The following RIMS2 variants were observed in gnomAD, a reference collection of about 807,000 sequenced individuals.
RIMS2 encodes the protein regulating synaptic membrane exocytosis 2, also known as regulating synaptic membrane exocytosis protein 2.
RIMS2 carries 59 observed loss-of-function variants against 174.4 expected under a neutral mutation model. The observed-to-expected ratio is 0.34, with a 90% CI of 0.27 to 0.42. The LOEUF is 0.42. RIMS2 is among the 10% of genes least tolerant of loss of function. The probability of loss-of-function intolerance (pLI) is 1.00; values close to 1 mark genes in which losing one functional copy is unlikely to be tolerated. For synonymous variants in RIMS2, 606 were observed against 572.5 expected (o/e 1.06, Z -0.84); for missense variants, 1,620 against 1,666.3 (o/e 0.97, Z 0.48).
At chr8:103,602,363 T>C (rs1056332454) in intron 1 of RIMS2, among the ~76,000 whole-genome samples, 4 of 152,138 alleles carry the variant, frequency 2.6e-5, no homozygotes, top group African/African-American at 9.7e-5. Flanking sequence ...GTAAACTGCA[T>C]GTCATGGGGG....
At chr8:103,909,867 T>C (rs1317665463) in intron 4 of RIMS2, among the ~76,000 whole-genome samples, 1 of 152,010 alleles carries the variant, frequency 6.6e-6, no homozygotes, top group Non-Finnish European at 1.5e-5. Flanking sequence ...TGTTTATTAT[T>C]AGCTTTTTCT....
intron 1 of RIMS2, among the ~76,000 whole-genome samples, chr8:103,529,107 C>T (rs896485762): frequency 3.3e-5 from 5 of 152,320 alleles, no homozygotes; most frequent in Non-Finnish European, 7.4e-5. Context: ...AGGTCCTTCA[C>T]GTCCCTGTAA....
At chr8:103,516,453 TA>T (rs1829017984) in intron 1 of RIMS2, among the ~76,000 whole-genome samples, 2 of 152,118 alleles carry the variant, frequency 1.3e-5, no homozygotes, top group Non-Finnish European at 2.9e-5. Context: ...TTTTTATTTC[TA>T]AAATTAAAAC....
At chr8:104,157,385 G>A (rs1463944907) in intron 19 of RIMS2, among the ~76,000 whole-genome samples, 2 of 152,154 alleles carry the variant, frequency 1.3e-5, no homozygotes, top group African/African-American at 2.4e-5. Flanking sequence ...ACTTTTAATT[G>A]TGGTAAAATA....
rs188146485 is a variant in RIMS2, at chr8:103,767,971, C to T, written c.698+1434C>T. ...CAGGGCTGATCCTGGGAATTGTTAA[C>T]TCTCTGAAACTCACTGGCTAGAGAA... On this transcript the variant is annotated intron_variant, in intron 3 of 23. Coordinates refer to ENST00000504942, the Ensembl canonical transcript of RIMS2. Among the ~76,000 whole-genome samples the T allele has an allele frequency of 6.6e-5, 10 of 152,272 alleles. No individual in the cohort carries two copies. In the East Asian group the frequency reaches 1.4e-3, roughly 21 times the overall value.
intron 17 of RIMS2, among the ~76,000 whole-genome samples, chr8:103,997,069 G>A (rs1370884961): frequency 1.3e-5 from 2 of 151,746 alleles, no homozygotes; most frequent in Non-Finnish European, 3.0e-5. Flanking sequence ...AGACAGCTTC[G>A]AGAGTGTGGT....
At chr8:103,611,391 C>A (rs909092732) in intron 1 of RIMS2, among the ~76,000 whole-genome samples, 2 of 152,002 alleles carry the variant, frequency 1.3e-5, no homozygotes, top group African/African-American at 2.4e-5. Context: ...TTTCTGCATG[C>A]TTAGTGAGTT....
chr8:103,639,143 GTTA>G (rs1461351185), intron 1 of RIMS2, among the ~76,000 whole-genome samples: 4 of 151,784 alleles, frequency 2.6e-5, no homozygotes, highest in African/African-American at 9.7e-5. Context: ...CTTATGTATT[GTTA>G]TTTTTTGTCT....
chr8:103,789,964 C>T (rs1232166557), intron 3 of RIMS2, among the ~76,000 whole-genome samples: 1 of 152,034 alleles, frequency 6.6e-6, no homozygotes, highest in African/African-American at 2.4e-5. Flanking sequence ...ATCTCTCTAG[C>T]CTGTTTAGGC....
At chr8:103,960,086 G>T (rs1445668262) in intron 14 of RIMS2, among the ~76,000 whole-genome samples, 1 of 152,102 alleles carries the variant, frequency 6.6e-6, no homozygotes, top group Non-Finnish European at 1.5e-5. Context: ...TTAAAAGATC[G>T]ACAAAATTGA....
At chr8:103,713,484 C>T (rs1432444025) in intron 2 of RIMS2, among the ~76,000 whole-genome samples, 3 of 152,156 alleles carry the variant, frequency 2.0e-5, no homozygotes, top group African/African-American at 7.2e-5. Context: ...TCCACTTTGT[C>T]ATCTAAGCCA....
intron 19 of RIMS2, among the ~76,000 whole-genome samples, chr8:104,202,793 G>T (rs977493486): frequency 6.6e-6 from 1 of 152,140 alleles, no homozygotes; most frequent in Non-Finnish European, 1.5e-5. Flanking sequence ...AAGTACTAGG[G>T]GTTAGGACTT....
At chr8:103,768,810 G>T in intron 3 of RIMS2, 1 of 679,524 alleles carries the variant, frequency 1.5e-6, no homozygotes, top group South Asian at 1.5e-5. Context: ...CCAAAATTCA[G>T]CGTCTTATTA....
At chr8:103,931,574 CAT>C (rs961349206) in intron 12 of RIMS2, among the ~76,000 whole-genome samples, 181 bp downstream of exon 14, 24 of 152,162 alleles carry the variant, frequency 1.6e-4, no homozygotes, top group South Asian at 8.3e-4. Flanking sequence ...TTAAAACTCA[CAT>C]GTCGTATATG....
At chr8:104,097,633 A>G (rs1306454461) in intron 19 of RIMS2, among the ~76,000 whole-genome samples, 1 of 151,812 alleles carries the variant, frequency 6.6e-6, no homozygotes, top group Non-Finnish European at 1.5e-5. Context: ...AAACAATGAC[A>G]AGCTTTCAGT....
chr8:104,204,263 G>GT (rs1451621632), intron 19 of RIMS2, among the ~76,000 whole-genome samples: 2 of 152,194 alleles, frequency 1.3e-5, no homozygotes, highest in African/African-American at 4.8e-5. Context: ...TAAGAACTTT[G>GT]TAAGTGCATG....
intron 19 of RIMS2, among the ~76,000 whole-genome samples, chr8:104,075,507 C>T (rs1267253544): frequency 2.0e-5 from 3 of 152,202 alleles, no homozygotes; most frequent in Admixed American, 1.3e-4. Context: ...ATTTTCAACT[C>T]GAGCCAAGTC....
chr8:104,002,310 A>G (rs1397670358), intron 17 of RIMS2, among the ~76,000 whole-genome samples: 1 of 151,982 alleles, frequency 6.6e-6, no homozygotes, highest in Non-Finnish European at 1.5e-5. Context: ...CTACTTACAT[A>G]TCCAGAAGTT....
chr8:104,173,613 ATTTTTTTTTTTTTTTTTTTT>A (rs71297262), intron 19 of RIMS2, among the ~76,000 whole-genome samples: 6 of 54,198 alleles, frequency 1.1e-4, no homozygotes, highest in Admixed American at 3.3e-4. Context: ...AGCTCTTCTG[ATTTTTTTTTTTTTTTTTTTT>A]TTTTTTTTTT....
Sources: gnomAD v4.1 joint callset for allele counts (sites outside exome capture counted in the v4.1 genomes callset) on GRCh38, gnomAD v4.1.1 for gene constraint, MANE v1.5 for transcripts, NCBI Gene and HGNC (gene_info 2026-07-23, HGNC 2026-07-21) for gene names.